SUZ12: variants seen among roughly 807,000 people sequenced by gnomAD.
SUZ12 encodes SUZ12 polycomb repressive complex 2 subunit.
Under a neutral mutation model 87.3 loss-of-function variants are expected in SUZ12, and 17 were observed. The observed-to-expected ratio is 0.19, with a 90% CI of 0.13 to 0.29. SUZ12 has a LOEUF of 0.29. Among genes scored for constraint, SUZ12 ranks in the 10% least tolerant of loss-of-function variants. The pLI is 1.00. For missense variants in SUZ12, 526 were observed against 912.2 expected, an observed-to-expected ratio of 0.58 and a Z score of 5.45; for synonymous variants, 253 against 312.4, an observed-to-expected ratio of 0.81 and a Z score of 2.01.
intron 5 of SUZ12, 45 bp from the exon 6 acceptor site, chr17:31,973,101 C>A (rs1175216397): frequency 1.0e-5 from 15 of 1,492,156 alleles, no homozygotes; most frequent in African/African-American, 1.5e-5. Context: ...ATACCTTGTT[C>A]ATATATTTTT....
chr17:31,978,225 T>C (rs1470353280), intron 8 of SUZ12, among the ~76,000 whole-genome samples: 1 of 152,094 alleles, frequency 6.6e-6, no homozygotes, highest in Non-Finnish European at 1.5e-5. Context: ...TTGTTTATTT[T>C]TGAGACGGAC....
At chr17:31,985,321 C>G (rs1909345542) in intron 9 of SUZ12, among the ~76,000 whole-genome samples, 1 of 151,742 alleles carries the variant, frequency 6.6e-6, no homozygotes, top group Admixed American at 6.6e-5. Flanking sequence ...AACAGGTTTT[C>G]TCAGCATTTT....
Position 31,937,291 on chromosome 17 carries a change from G to T in SUZ12, c.45G>T (p.Gly15=). 1 of 1,399,018 alleles carries T rather than the reference G, an allele frequency of 7.1e-7. No individual in the cohort carries two copies. The highest frequency in any genetic ancestry group is 9.2e-7 in the Non-Finnish European group (1 of 1,088,580). The allele number at this position is 1,399,018 out of a possible 1,614,324, so 86.7% of individuals were successfully genotyped here. Residue 15 remains glycine, a synonymous_variant, in exon 1 of 16, where the codon GGG becomes GGT. Transcript: ENST00000322652. ...GCGGTGGGGGAGGGGGCGGCTCGGG[G>T]CCCAGCGCGGGGTCCGGGGGAGGCG... The part of the protein sequence containing the change: ...KHGGGGGGGS[G]PSAGSGGGGF...
chr17:31,998,665 G>T lies in SUZ12; in HGVS notation c.1882G>T (p.Ala628Ser). The T allele has an allele frequency of 6.5e-7, 1 of 1,546,758 alleles. No homozygotes were observed. Among genetic ancestry groups the T allele is most frequent in the Non-Finnish European group, 8.7e-7 (1 of 1,149,378 alleles). ...NLHVMKHGFI[A>S]DNQMNHACML... is the part of the protein sequence containing the mutation. Reference sequence around the variant, plus strand: ...TCTGTTTTTATTAAATAGGTTTATTGCTGACAATCAAATGAATCATGCCTG... The same window carrying T: ...TCTGTTTTTATTAAATAGGTTTATTTCTGACAATCAAATGAATCATGCCTG... The change falls in exon 16 of 16, where the codon GCT (alanine) becomes TCT (serine). Residue 628 changes from alanine (A) to serine (S), a missense_variant. Physicochemically the swap from Ala to Ser is moderately conservative, Grantham distance 99. Around this residue, in one of 9 missense-constraint regions of SUZ12, gnomAD observed 143 missense variants for 321.6 expected, o/e 0.44. Coordinates refer to ENST00000322652, the MANE Select transcript of SUZ12 (RefSeq NM_015355.4).
chr17:31,974,539 TACA>T (rs1325910462), intron 6 of SUZ12, among the ~76,000 whole-genome samples: 1 of 152,102 alleles, frequency 6.6e-6, no homozygotes, highest in Non-Finnish European at 1.5e-5. Flanking sequence ...CCATACACAT[TACA>T]ACAAGTGATG....
chr17:31,950,346 C>T (rs982343595), intron 4 of SUZ12, among the ~76,000 whole-genome samples: 1 of 152,148 alleles, frequency 6.6e-6, no homozygotes, highest in African/African-American at 2.4e-5. Flanking sequence ...TATATGATGC[C>T]AGCAATATAA....
chr17:31,994,357 A>G (rs909409048), intron 12 of SUZ12: 2 of 471,680 alleles, frequency 4.2e-6, no homozygotes, highest in Non-Finnish European at 7.2e-6. Context: ...AATAATTTGT[A>G]CAAAGTCACC....
chr17:31,939,243 C>T (rs2142115699), intron 1 of SUZ12, among the ~76,000 whole-genome samples: 1 of 152,104 alleles, frequency 6.6e-6, no homozygotes, highest in East Asian at 1.9e-4. Flanking sequence ...AGAATTTTTG[C>T]TGCAGTTTGT....
intron 14 of SUZ12, 100 bp downstream of exon 14, chr17:31,995,862 T>TTA: frequency 1.4e-5 from 10 of 701,202 alleles, no homozygotes; most frequent in Non-Finnish European, 1.3e-5. Flanking sequence ...GAACTTTTTT[T>TTA]AAAAAAAAAA....
intron 1 of SUZ12, among the ~76,000 whole-genome samples, 159 bp from the exon 2 acceptor site, chr17:31,940,127 C>A (rs529827942): frequency 3.6e-4 from 54 of 152,064 alleles, no homozygotes; most frequent in African/African-American, 1.3e-3. Flanking sequence ...TTTGATCTTA[C>A]TGTGCATACT....
chr17:31,959,041 T>A (rs1907541714), intron 4 of SUZ12, among the ~76,000 whole-genome samples: 1 of 152,080 alleles, frequency 6.6e-6, no homozygotes, highest in African/African-American at 2.4e-5. Context: ...AAATAAAATC[T>A]GTAGACTACC....
chr17:31,974,458 C>T (rs1158232616), intron 6 of SUZ12, among the ~76,000 whole-genome samples: 4 of 152,078 alleles, frequency 2.6e-5, no homozygotes, highest in African/African-American at 4.8e-5. Flanking sequence ...ACCCGGGAGG[C>T]GGAGCTTGCA....
At chr17:31,987,453 T>C (rs1043469591) in intron 9 of SUZ12, among the ~76,000 whole-genome samples, 1 of 152,180 alleles carries the variant, frequency 6.6e-6, no homozygotes, top group Non-Finnish European at 1.5e-5. Context: ...GTTAGCTATT[T>C]TCAATAGCTC....
At chr17:31,995,985 C>T (rs1223078663) in intron 14 of SUZ12, among the ~76,000 whole-genome samples, 1 of 152,034 alleles carries the variant, frequency 6.6e-6, no homozygotes, top group African/African-American at 2.4e-5. Flanking sequence ...GAGGCAGGCG[C>T]ATTGCCTGAG....
At chr17:31,987,626 A>G (rs1015581605) in intron 9 of SUZ12, among the ~76,000 whole-genome samples, 36 of 138,920 alleles carry the variant, frequency 2.6e-4, no homozygotes, top group South Asian at 1.2e-3. Context: ...GGGTACCACA[A>G]TTTTATTTTT....
intron 4 of SUZ12, among the ~76,000 whole-genome samples, chr17:31,960,235 G>A (rs543612882): frequency 1.1e-4 from 16 of 151,812 alleles, no homozygotes; most frequent in Admixed American, 7.2e-4. Flanking sequence ...TTTTGAGACG[G>A]GGTCTCGCTC....
At chr17:31,955,476 C>T (rs1247529698) in intron 4 of SUZ12, among the ~76,000 whole-genome samples, 12 of 151,982 alleles carry the variant, frequency 7.9e-5, no homozygotes, top group Admixed American at 7.2e-4. Flanking sequence ...AGCCGGGGCA[C>T]GGTGACTCAT....
rs1908284145 is a variant in SUZ12, at chr17:31,969,407, C to G, written c.505+3211C>G. On this transcript the variant is annotated intron_variant, in intron 5 of 15. Coordinates refer to ENST00000322652, the MANE Select transcript of SUZ12 (RefSeq NM_015355.4). ...CAGGTGATTTGCCCACCTCGGCCTC[C>G]CAAAGTGCTGGGATTTCAGTAGGCA... Among the ~76,000 whole-genome samples, 4 of 152,234 alleles carry G rather than the reference C, an allele frequency of 2.6e-5. No individual in the cohort carries two copies. The South Asian group carries it at 8.3e-4, about 32-fold the overall frequency.
At chr17:31,980,572 C>T (rs1455695621) in intron 8 of SUZ12, among the ~76,000 whole-genome samples, 1 of 151,176 alleles carries the variant, frequency 6.6e-6, no homozygotes, top group Non-Finnish European at 1.5e-5. Context: ...GCCTCAGCCT[C>T]CCGAGTAGCT....
Sources: allele counts gnomAD v4.1 joint callset (sites outside exome capture counted in the v4.1 genomes callset), GRCh38; gene constraint gnomAD v4.1.1; regional missense constraint gnomAD v4.1.1; transcripts MANE v1.5; gene names NCBI Gene and HGNC (gene_info 2026-07-23, HGNC 2026-07-21).